The following DCHS2 variants were observed in gnomAD, a reference collection of about 807,000 sequenced individuals.
DCHS2 encodes the protein dachsous cadherin-related 2.
In DCHS2, 142 loss-of-function variants were observed where a neutral mutation model predicts 182.4. The observed-to-expected ratio is 0.78, with a 90% CI of 0.68 to 0.89. DCHS2 has a LOEUF of 0.89. Ranked by LOEUF, DCHS2 falls within the 40% of genes least tolerant of loss-of-function variation. The probability of loss-of-function intolerance (pLI) is 0.00; values close to 1 mark genes in which losing one functional copy is unlikely to be tolerated. For missense variants in DCHS2, 4,319 were observed against 4,198.6 expected (o/e 1.03, Z -0.79); for synonymous variants, 1,740 against 1,663.3 (o/e 1.05, Z -1.12).
chr4:154,425,190 G>A (rs1234204346), intron 1 of DCHS2, among the ~76,000 whole-genome samples: 1 of 152,172 alleles, frequency 6.6e-6, no homozygotes, highest in African/African-American at 2.4e-5. Context: ...TCATCCCAAA[G>A]TCACAGCTGA....
chr4:154,490,224 A>C lies in DCHS2; in HGVS notation c.1132T>G (p.Trp378Gly). 6.5e-7 allele frequency: 1 copy of C among 1,549,688 alleles called. No individual in the cohort carries two copies. The highest frequency in any genetic ancestry group is 8.7e-7 in the Non-Finnish European group (1 of 1,146,786). The stretch of plus-strand genomic sequence containing the variant: ...CGGGCCTCCACCACCAACTGGTGCC[A>C]GGCCTGTGCCTCGCGGTCCAGAGGT... ...WRPLDREAQA[W>G]HQLVVEARDG... Residue 378 changes from tryptophan (W) to glycine (G), a missense_variant, in exon 1 of 20, where the codon TGG (tryptophan) becomes GGG (glycine). Trp to Gly is a radical substitution (Grantham distance 184, BLOSUM62 -2). Transcript: ENST00000357232.
chr4:154,373,426 T>C (rs1191057477), intron 2 of DCHS2, among the ~76,000 whole-genome samples: 1 of 152,208 alleles, frequency 6.6e-6, no homozygotes, highest in African/African-American at 2.4e-5. Context: ...TTTGTATATA[T>C]GTTTACATAC....
At chr4:154,462,732 G>C (rs1205435796) in intron 1 of DCHS2, among the ~76,000 whole-genome samples, 1 of 152,138 alleles carries the variant, frequency 6.6e-6, no homozygotes, top group Non-Finnish European at 1.5e-5. Flanking sequence ...CACTGGGATA[G>C]AGGGGAAAAC....
intron 1 of DCHS2, among the ~76,000 whole-genome samples, chr4:154,397,629 CT>C (rs1265075933): frequency 6.6e-6 from 1 of 152,142 alleles, no homozygotes; most frequent in East Asian, 1.9e-4. Flanking sequence ...CTTTTCCCTA[CT>C]TTTTTAACCT....
intron 5 of DCHS2, among the ~76,000 whole-genome samples, chr4:154,331,277 A>G (rs918208126): frequency 3.3e-5 from 5 of 152,214 alleles, no homozygotes; most frequent in Non-Finnish European, 5.9e-5. Context: ...AGCTTAAGCT[A>G]CTTGCTTAAA....
chr4:154,383,360 G>A (rs1731256551), intron 1 of DCHS2, among the ~76,000 whole-genome samples: 1 of 152,128 alleles, frequency 6.6e-6, no homozygotes, highest in Non-Finnish European at 1.5e-5. Flanking sequence ...CTACCCATTG[G>A]TTGCAATGCT....
In DCHS2 at chr4:154,315,853, C is replaced by T. The variant is rs772318202; in HGVS notation, c.5155G>A (p.Asp1719Asn). 4.7e-5 allele frequency: 76 copies of T among 1,613,874 alleles called. No individual in the cohort carries two copies. The highest frequency in any genetic ancestry group is 6.2e-5 in the Non-Finnish European group (73 of 1,179,994). Residue 1719 changes from aspartate to asparagine, a missense_variant, in exon 10 of 20, where the codon GAT becomes AAT. Physicochemically the swap from Asp to Asn is conservative, Grantham distance 23 (BLOSUM62 1). Coordinates refer to ENST00000357232, the MANE Select transcript of DCHS2 (RefSeq NM_001358235.2). ...TGCTGCTTAAATACTGGAGCTTCAT[C>T]ATTTACATCAAGAACAGTAACTGTC... ...TLTVTVLDVN[D>N]EAPVFKQHLY...
At chr4:154,443,667 A>G (rs1734128883) in intron 1 of DCHS2, among the ~76,000 whole-genome samples, 1 of 152,162 alleles carries the variant, frequency 6.6e-6, no homozygotes, top group Non-Finnish European at 1.5e-5. Flanking sequence ...TGCACCTGCA[A>G]TTATTACATA....
At chr4:154,312,633 A>C (rs1157029659) in intron 10 of DCHS2, among the ~76,000 whole-genome samples, 1 of 152,222 alleles carries the variant, frequency 6.6e-6, no homozygotes, top group Admixed American at 6.5e-5. Context: ...GTTGATGGAT[A>C]TTTTGCCTGA....
intron 16 of DCHS2, among the ~76,000 whole-genome samples, chr4:154,253,192 A>AGT (rs945445954): frequency 0.025 from 3,577 of 142,586 alleles, 88 homozygotes; most frequent in African/African-American, 0.067. Context: ...AGAGAGAGAG[A>AGT]GTGTGTGTGT....
At chr4:154,330,717 C>T (rs1474343836) in intron 5 of DCHS2, among the ~76,000 whole-genome samples, 2 of 151,742 alleles carry the variant, frequency 1.3e-5, no homozygotes, top group Non-Finnish European at 2.9e-5. Context: ...AATGAAAATT[C>T]TCATTTAGGT....
intron 3 of DCHS2, among the ~76,000 whole-genome samples, chr4:154,353,109 T>C (rs192256724): frequency 6.6e-6 from 1 of 152,278 alleles, no homozygotes; most frequent in East Asian, 1.9e-4. Context: ...CAGTTTTTAG[T>C]CTGAACTCAC....
At chr4:154,346,024 T>C (rs953805723) in intron 3 of DCHS2, among the ~76,000 whole-genome samples, 2 of 152,216 alleles carry the variant, frequency 1.3e-5, no homozygotes, top group African/African-American at 2.4e-5. Context: ...TCTTCTTGTA[T>C]ACTCACATGG....
At position 154,320,469 on chromosome 4, in the gene DCHS2, G is replaced by A. The variant is rs867922718; in HGVS notation, c.4930C>T (p.His1644Tyr). ...VGSLVHHITA[H>Y]DPDEGRNGKV... ...CCATTCCTTCCTTCGTCTGGATCGTGAGCAGTTATGTGGTGGACCAAGGAG... is the reference window on the plus strand; with the variant it reads ...CCATTCCTTCCTTCGTCTGGATCGTAAGCAGTTATGTGGTGGACCAAGGAG... Residue 1644 changes from histidine to tyrosine, a missense_variant, in exon 9 of 20, where the codon CAC (histidine) becomes TAC (tyrosine). His to Tyr is a moderately conservative substitution (Grantham distance 83). Transcript: ENST00000357232. 5 of 1,613,968 alleles carry A rather than the reference G, an allele frequency of 3.1e-6. No homozygotes were observed. In the African/African-American group the frequency reaches 5.3e-5, roughly 17 times the overall value.
At chr4:154,373,931 C>T in intron 2 of DCHS2, 2 of 1,596,430 alleles carry the variant, frequency 1.3e-6, no homozygotes, top group Non-Finnish European at 8.5e-7. Flanking sequence ...TTCACCAGGG[C>T]TAAATGTGTC....
intron 1 of DCHS2, among the ~76,000 whole-genome samples, chr4:154,398,401 C>T (rs538871098): frequency 1.3e-4 from 20 of 152,268 alleles, no homozygotes; most frequent in Admixed American, 2.6e-4. Context: ...AAGCACTCAA[C>T]AAAACATAGT....
At chr4:154,473,250 G>C (rs1432829542) in intron 1 of DCHS2, among the ~76,000 whole-genome samples, 2 of 152,146 alleles carry the variant, frequency 1.3e-5, no homozygotes, top group Non-Finnish European at 2.9e-5. Flanking sequence ...CACAACTCTG[G>C]GCTCAGTGCA....
Position 154,486,323 on chromosome 4 carries a change from C to A in DCHS2, c.2052+2981G>T, listed in dbSNP as rs560550047. 9 of 1,153,778 alleles carry A rather than the reference C, an allele frequency of 7.8e-6. No homozygotes were observed. In the East Asian group the frequency reaches 4.1e-4, roughly 52 times the overall value. The allele number at this position is 1,153,778 out of a possible 1,614,324, so 71.5% of individuals were successfully genotyped here. A position where few individuals can be genotyped will look rare whatever the true frequency, so the allele number is the denominator to read the frequency against. ...AGGGTGGCCAGCACCATAGTGCCAGCAACAGCAGCAACTAGAGTGGTAGGA... is the reference window on the plus strand; with the variant it reads ...AGGGTGGCCAGCACCATAGTGCCAGAAACAGCAGCAACTAGAGTGGTAGGA... On this transcript the variant is annotated intron_variant, in intron 1 of 19. Coordinates refer to ENST00000357232, the MANE Select transcript of DCHS2 (RefSeq NM_001358235.2).
intron 12 of DCHS2, 42 bp downstream of exon 12, chr4:154,304,627 T>C: frequency 1.6e-5 from 22 of 1,392,224 alleles, no homozygotes; most frequent in Non-Finnish European, 1.9e-5. Context: ...AGACTCTGTC[T>C]TAAAAAAACA....
Sources: gnomAD v4.1 joint callset for allele counts (sites outside exome capture counted in the v4.1 genomes callset) on GRCh38, gnomAD v4.1.1 for gene constraint, MANE v1.5 for transcripts, NCBI Gene and HGNC (gene_info 2026-07-23, HGNC 2026-07-21) for gene names.